The following NOA1 variants were observed in gnomAD, a reference collection of about 807,000 sequenced individuals.
The protein encoded by NOA1 is nitric oxide associated 1.
NOA1 carries 35 observed loss-of-function variants against 58.4 expected under a neutral mutation model. The observed-to-expected ratio is 0.60, with a 90% CI of 0.46 to 0.79. The LOEUF is 0.79. Among genes scored for constraint, NOA1 ranks in the 30% least tolerant of loss-of-function variants. The pLI is 0.00. For missense variants in NOA1, 895 were observed against 894.6 expected (o/e 1.00, Z -0.01); for synonymous variants, 397 against 373.4 (o/e 1.06, Z -0.73).
chr4:56,974,317 G>A (rs1238271149), intron 1 of NOA1, among the ~76,000 whole-genome samples: 1 of 152,154 alleles, frequency 6.6e-6, no homozygotes, highest in East Asian at 1.9e-4. Context: ...ATGAAACTTT[G>A]GTTTCAAGGG....
intron 2 of NOA1, 97 bp from the exon 3 acceptor site, chr4:56,973,450 C>A: frequency 9.4e-7 from 1 of 1,059,446 alleles, no homozygotes; most frequent in Non-Finnish European, 1.5e-6. Flanking sequence ...ACTAAGATTA[C>A]AGTGTAGGGA....
chr4:56,974,809 C>T (rs974759458), intron 1 of NOA1, among the ~76,000 whole-genome samples: 1 of 151,820 alleles, frequency 6.6e-6, no homozygotes, highest in Non-Finnish European at 1.5e-5. Context: ...TCAAGCGATT[C>T]TTCACCCTCA....
In NOA1 at chr4:56,976,946, G is replaced by A. The variant is rs1257257849; in HGVS notation, c.640C>T (p.Pro214Ser). ...LVSAALRRPG[P>S]SLVLYMVDLL... is the part of the protein sequence containing the mutation. ...TCCACCATGTAGAGCACCAGGGAGG[G>A]GCCGGGCCGCCGCAACGCGGCGCTC... The change falls in exon 1 of 7, where the codon CCC (proline) becomes TCC (serine). Residue 214 changes from proline (P) to serine (S), a missense_variant. Transcript: ENST00000264230. 3.1e-6 allele frequency: 5 copies of A among 1,604,332 alleles called. No individual in the cohort carries two copies. The highest frequency in any genetic ancestry group is 4.2e-6 in the Non-Finnish European group (5 of 1,177,620).
intron 3 of NOA1, among the ~76,000 whole-genome samples, chr4:56,972,467 G>A (rs969881339): frequency 1.3e-5 from 2 of 152,192 alleles, no homozygotes; most frequent in African/African-American, 4.8e-5. Flanking sequence ...AGGGAAATAG[G>A]TATTACCTTA....
intron 5 of NOA1, among the ~76,000 whole-genome samples, chr4:56,965,395 C>T (rs1177948781): frequency 6.6e-6 from 1 of 152,030 alleles, no homozygotes; most frequent in Non-Finnish European, 1.5e-5. Context: ...ATGGTTTCTG[C>T]CCCCAAGGAA....
In NOA1 at chr4:56,973,900, G is replaced by A; in HGVS notation, c.1267C>T (p.Gln423Ter). The change falls in exon 2 of 7, where the codon CAA (glutamine) becomes TAA (stop). Residue 423 changes from glutamine (Q) to a stop codon, truncating the protein, a stop_gained. Coordinates refer to ENST00000264230, the MANE Select transcript of NOA1 (RefSeq NM_032313.4). LOFTEE classifies it high-confidence loss of function. The part of the protein sequence containing the change: ...QAEEDLSEQE[Q>*]NQLNVLKKHG... Reference sequence around the variant, plus strand: ...TTTTTGAGGACATTAAGCTGATTTTGTTCTTGCTCACTAAGATCTTCTTCA... The same window carrying A: ...TTTTTGAGGACATTAAGCTGATTTTATTCTTGCTCACTAAGATCTTCTTCA... 1 of 1,614,108 alleles carries A rather than the reference G, an allele frequency of 6.2e-7. No homozygotes were observed. Among genetic ancestry groups the A allele is most frequent in the Non-Finnish European group, 8.5e-7 (1 of 1,180,004 alleles).
chr4:56,965,430 G>A (rs2109612422), intron 5 of NOA1, among the ~76,000 whole-genome samples: 1 of 152,246 alleles, frequency 6.6e-6, no homozygotes, highest in East Asian at 1.9e-4. Context: ...TAATATGTAA[G>A]CTAATACAAG....
chr4:56,966,305 G>T (rs1721708939), intron 5 of NOA1, among the ~76,000 whole-genome samples: 1 of 152,226 alleles, frequency 6.6e-6, no homozygotes, highest in Non-Finnish European at 1.5e-5. Flanking sequence ...GATTATAGGC[G>T]TGAGCCACCA....
At position 56,977,338 on chromosome 4, in the gene NOA1, G is replaced by A. The variant is rs1721967584; in HGVS notation, c.248C>T (p.Pro83Leu). 1 of 1,614,178 alleles carries A rather than the reference G, an allele frequency of 6.2e-7. No homozygotes were observed. Among genetic ancestry groups the A allele is most frequent in the Non-Finnish European group, 8.5e-7 (1 of 1,180,026 alleles). Residue 83 changes from proline to leucine, a missense_variant, in exon 1 of 7, where the codon CCG (proline) becomes CTG (leucine). Physicochemically the swap from Pro to Leu is moderately conservative, Grantham distance 98. Coordinates refer to ENST00000264230, the MANE Select transcript of NOA1 (RefSeq NM_032313.4). The stretch of plus-strand genomic sequence containing the variant: ...CAGCTGCTTTTCGCGGGTGGGTTGC[G>A]GCTCCGGATCCAGGATGTACTCCGG... ...LFPEYILDPE[P>L]QPTREKQLQE...
intron 3 of NOA1, among the ~76,000 whole-genome samples, chr4:56,968,836 C>G (rs1721762742): frequency 6.6e-6 from 1 of 152,114 alleles, no homozygotes; most frequent in African/African-American, 2.4e-5. Flanking sequence ...GATTCAATAC[C>G]AAGATAGAAA....
At chr4:56,972,405 G>A (rs1322814169) in intron 3 of NOA1, among the ~76,000 whole-genome samples, 1 of 152,198 alleles carries the variant, frequency 6.6e-6, no homozygotes, top group Non-Finnish European at 1.5e-5. Context: ...AGAAAAGGGA[G>A]GGATAGGTGA....
At chr4:56,967,453 G>T (rs547408028) in intron 4 of NOA1, among the ~76,000 whole-genome samples, 6 of 150,812 alleles carry the variant, frequency 4.0e-5, no homozygotes, top group African/African-American at 1.5e-4. Flanking sequence ...CTCCCAAAAC[G>T]AAATATATAA....
intron 6 of NOA1, 60 bp downstream of exon 6, chr4:56,964,346 T>C (rs764718697): frequency 3.7e-6 from 6 of 1,604,884 alleles, no homozygotes; most frequent in Non-Finnish European, 5.1e-6. Flanking sequence ...GGATTACAGG[T>C]GTGAGCCACC....
At chr4:56,970,510 A>G (rs990993207) in intron 3 of NOA1, among the ~76,000 whole-genome samples, 1 of 151,536 alleles carries the variant, frequency 6.6e-6, no homozygotes, top group Non-Finnish European at 1.5e-5. Flanking sequence ...GCTGGGCTGC[A>G]GTGGCATGAT....
rs1399474973 is a variant in NOA1, at chr4:56,977,462, A to G, written c.124T>C (p.Phe42Leu). 6.2e-7 allele frequency: 1 copy of G among 1,614,046 alleles called. No homozygotes were observed. The highest frequency in any genetic ancestry group is 1.3e-5 in the African/African-American group (1 of 75,062). ...LERRCAAASS[F>L]QHSSSLGREL... ...CGTCCCAGACTCGATGAGTGCTGGA[A>G]GGAGGAGGCGGCAGCGCACCTCCTC... is the stretch of plus-strand genomic sequence containing the variant. The change falls in exon 1 of 7, where the codon TTC (phenylalanine) becomes CTC (leucine). Residue 42 changes from phenylalanine to leucine, a missense_variant. Physicochemically the swap from Phe to Leu is conservative, Grantham distance 22. Transcript: ENST00000264230.
intron 5 of NOA1, among the ~76,000 whole-genome samples, chr4:56,966,136 C>T (rs547058104): frequency 1.4e-5 from 2 of 148,072 alleles, no homozygotes; most frequent in Admixed American, 1.4e-4. Flanking sequence ...AAGTGATTCT[C>T]CTGCCTCAGC....
chr4:56,967,920 T>A (rs1015100849), intron 4 of NOA1, among the ~76,000 whole-genome samples: 4 of 55,354 alleles, frequency 7.2e-5, no homozygotes, highest in Non-Finnish European at 9.7e-5. Context: ...TTTCCCCAAG[T>A]TTTTTTTTTT....
intron 4 of NOA1, among the ~76,000 whole-genome samples, chr4:56,967,129 C>T (rs1439353285): frequency 6.6e-6 from 1 of 151,960 alleles, no homozygotes; most frequent in Non-Finnish European, 1.5e-5. Context: ...TGCCTATAAT[C>T]CCAGCATTTT....
At chr4:56,967,755 T>G (rs554164289) in intron 4 of NOA1, among the ~76,000 whole-genome samples, 2 of 152,276 alleles carry the variant, frequency 1.3e-5, no homozygotes, top group East Asian at 3.9e-4. Context: ...ACCCTGTACC[T>G]AAAGGTTTGA....
Sources: gnomAD v4.1 joint callset for allele counts (sites outside exome capture counted in the v4.1 genomes callset) on GRCh38, gnomAD v4.1.1 for gene constraint, MANE v1.5 for transcripts, NCBI Gene and HGNC (gene_info 2026-07-23, HGNC 2026-07-21) for gene names.